ZNF177: variants seen among roughly 807,000 people sequenced by gnomAD.
ZNF177 encodes zinc finger protein 177.
ZNF177 carries 17 observed loss-of-function variants against 19.4 expected under a neutral mutation model. That is an observed-to-expected ratio of 0.87 (90% CI 0.60 to 1.31). The LOEUF (loss-of-function observed/expected upper bound fraction) is 1.31, where lower values mean the gene tolerates loss of function less well. ZNF177 is among the 40% of genes most tolerant of loss of function. The pLI is 0.00. For missense variants in ZNF177, 633 were observed against 561.8 expected, an observed-to-expected ratio of 1.13 and a Z score of -1.28; for synonymous variants, 220 against 188.7, an observed-to-expected ratio of 1.17 and a Z score of -1.36.
At chr19:9,381,587 C>T in exon 6 of ZNF177, 1 of 1,614,146 alleles carries the variant, frequency 6.2e-7, no homozygotes, top group Non-Finnish European at 8.5e-7. Context: ...AGAACTCACA[C>T]TGGTGAGAAA....
chr19:9,382,142 C>T (rs1052350113), exon 6 of ZNF177: 6 of 397,154 alleles, frequency 1.5e-5, no homozygotes, highest in African/African-American at 4.1e-5. Context: ...GTCTCAATAT[C>T]CATTCCTCCC....
At chr19:9,363,861 G>A (rs10423552) in intron 1 of ZNF177, among the ~76,000 whole-genome samples, 83,129 of 151,870 alleles carry the variant, frequency 0.55, 22,905 homozygotes, top group Middle Eastern at 0.62. Flanking sequence ...CCCTGCCTAC[G>A]ACCTCCGAAA....
At chr19:9,378,681 G>A (rs915992711) in intron 2 of ZNF177, 2 of 537,908 alleles carry the variant, frequency 3.7e-6, no homozygotes, top group South Asian at 3.2e-5. Context: ...TGAATAAGAC[G>A]AAAAGAGTCC....
chr19:9,372,129 C>T (rs981921246), upstream of ZNF177, among the ~76,000 whole-genome samples: 4 of 152,114 alleles, frequency 2.6e-5, no homozygotes, highest in African/African-American at 9.7e-5. Context: ...TTTCTCAAGA[C>T]CTGACTTAAA....
upstream of ZNF177, chr19:9,376,278 A>T (rs1294321194): frequency 6.6e-6 from 1 of 152,202 alleles, no homozygotes; most frequent in South Asian, 2.1e-4. Flanking sequence ...GGCAGATGCC[A>T]CCACACCCAA....
chr19:9,371,619 G>A (rs983123601), upstream of ZNF177: 1 of 152,064 alleles, frequency 6.6e-6, no homozygotes, highest in Non-Finnish European at 1.5e-5. Context: ...GGTGACCTGT[G>A]TTTTTCCCCT....
chr19:9,371,487 G>A (rs2068046831), upstream of ZNF177: 2 of 152,116 alleles, frequency 1.3e-5, no homozygotes, highest in South Asian at 4.1e-4. Context: ...TAGATAGTTT[G>A]TCTAGCGTTT....
Position 9,380,793 on chromosome 19 carries a change from CAA to C in ZNF177, c.464_465del (p.Lys155SerfsTer9), listed in dbSNP as rs748916868. 2.3e-5 allele frequency: 36 copies of C among 1,535,938 alleles called. No homozygotes were observed. In the South Asian group the frequency reaches 3.6e-4, roughly 15 times the overall value. ...AATGCTATAAATATATAAAGTATAGCAAAGTCTTCAACCATCCCTCAACTCTT... is the reference window on the plus strand; with the variant it reads ...AATGCTATAAATATATAAAGTATAGCAGTCTTCAACCATCCCTCAACTCTT... On this transcript the variant is annotated frameshift_variant, in exon 6 of 6. Transcript: ENST00000589262. LOFTEE classifies it low-confidence loss of function (END_TRUNC).
At chr19:9,375,975 C>A (rs1384125738), upstream of ZNF177, among the ~76,000 whole-genome samples, 1 of 152,170 alleles carries the variant, frequency 6.6e-6, no homozygotes, top group Non-Finnish European at 1.5e-5. Flanking sequence ...CACCCTTGCT[C>A]TCTTTGGTTT....
At chr19:9,382,140 A>G (rs938014223) in exon 6 of ZNF177, 97 of 397,718 alleles carry the variant, frequency 2.4e-4, no homozygotes, top group Admixed American at 2.0e-3. Flanking sequence ...CTGTCTCAAT[A>G]TCCATTCCTC....
chr19:9,374,046 A>G (rs1214492030), upstream of ZNF177, among the ~76,000 whole-genome samples: 3 of 152,064 alleles, frequency 2.0e-5, no homozygotes, highest in Non-Finnish European at 2.9e-5. Context: ...CAGGTCTTAC[A>G]TTTAAGTCTT....
upstream of ZNF177, among the ~76,000 whole-genome samples, chr19:9,373,054 T>C (rs1173373084): frequency 6.6e-6 from 1 of 152,164 alleles, no homozygotes; most frequent in Non-Finnish European, 1.5e-5. Flanking sequence ...AAATATACAG[T>C]ACATCATTAA....
chr19:9,364,677 A>G, intron 1 of ZNF177, among the ~76,000 whole-genome samples, 185 bp from the exon 2 acceptor site: 1 of 152,218 alleles, frequency 6.6e-6, no homozygotes, highest in Non-Finnish European at 1.5e-5. Context: ...GATGCAAAGT[A>G]AAAAGATGAG....
chr19:9,381,853 T>C, exon 6 of ZNF177: 1 of 1,515,140 alleles, frequency 6.6e-7, no homozygotes, highest in South Asian at 1.4e-5. Flanking sequence ...AGAAGCCCTG[T>C]TATGGTCACC....
At chr19:9,380,240 A>C in intron 5 of ZNF177, 101 bp downstream of exon 7, 1 of 1,356,650 alleles carries the variant, frequency 7.4e-7, no homozygotes, top group Non-Finnish European at 9.8e-7. Flanking sequence ...GAATTCAGGC[A>C]CCAGGCTTTC....
chr19:9,367,164 C>T (rs1386312901), intron 2 of ZNF177, among the ~76,000 whole-genome samples: 1 of 152,054 alleles, frequency 6.6e-6, no homozygotes, highest in Non-Finnish European at 1.5e-5. Flanking sequence ...ACTAAAAATA[C>T]AAAAACATAG....
At chr19:9,370,549 G>A (rs2068034594) in intron 2 of ZNF177, among the ~76,000 whole-genome samples, 1 of 151,928 alleles carries the variant, frequency 6.6e-6, no homozygotes, top group Admixed American at 6.6e-5. Flanking sequence ...TAGTAGCTGG[G>A]ACCACAGGCA....
chr19:9,369,991 C>T (rs2068027603), intron 2 of ZNF177, among the ~76,000 whole-genome samples: 2 of 151,958 alleles, frequency 1.3e-5, no homozygotes, highest in South Asian at 4.2e-4. Context: ...TCCATTTTAC[C>T]TTTGTTCATT....
chr19:9,375,930 G>A (rs981183065), upstream of ZNF177, among the ~76,000 whole-genome samples: 6 of 152,038 alleles, frequency 3.9e-5, no homozygotes, highest in African/African-American at 1.4e-4. Flanking sequence ...GTAACTTGAG[G>A]TGTAACATTA....
Sources: gnomAD v4.1 joint callset for allele counts (sites outside exome capture counted in the v4.1 genomes callset) on GRCh38, gnomAD v4.1.1 for gene constraint, MANE v1.5 for transcripts, NCBI Gene and HGNC (gene_info 2026-07-23, HGNC 2026-07-21) for gene names.